Variants in FMN1 observed in about 807,000 individuals in gnomAD.
FMN1 encodes the protein formin-1.
Under a neutral mutation model 132.4 loss-of-function variants are expected in FMN1, and 110 were observed. The ratio of observed to expected loss-of-function variants is 0.83; its 90% CI spans 0.71 to 0.97. FMN1 has a LOEUF of 0.97. Ranked by LOEUF, FMN1 falls within the 50% of genes least tolerant of loss-of-function variation. The pLI, the probability that FMN1 is intolerant of heterozygous loss-of-function variation, is 0.00. For synonymous variants in FMN1, 722 were observed against 651.7 expected (o/e 1.11, Z -1.64); for missense variants, 1,792 against 1,705.3 (o/e 1.05, Z -0.90).
intron 2 of FMN1, among the ~76,000 whole-genome samples, chr15:33,192,189 G>A (rs1235687048): frequency 6.6e-6 from 1 of 152,156 alleles, no homozygotes; most frequent in Non-Finnish European, 1.5e-5. Flanking sequence ...AAACTTTAAC[G>A]TAAAACTAGA....
chr15:32,861,700 G>C (rs1007865091), intron 16 of FMN1, among the ~76,000 whole-genome samples: 17 of 152,116 alleles, frequency 1.1e-4, no homozygotes, highest in Non-Finnish European at 2.9e-5. Flanking sequence ...ACAGATGCTG[G>C]GCACTGTATT....
chr15:33,041,391 A>T (rs1377895631), intron 6 of FMN1, among the ~76,000 whole-genome samples: 13 of 25,950 alleles, frequency 5.0e-4, no homozygotes, highest in South Asian at 2.5e-3. Context: ...CTCACCAGTT[A>T]AAAAAAAAAA....
chr15:32,926,315 T>TGA, intron 9 of FMN1, 54 bp from the exon 10 acceptor site: 1 of 1,010,476 alleles, frequency 9.9e-7, no homozygotes, highest in Non-Finnish European at 1.5e-6. Context: ...CATGCAGTCT[T>TGA]TCAGGACGCA....
At chr15:33,177,841 T>G (rs184357952) in intron 3 of FMN1, among the ~76,000 whole-genome samples, 85 of 150,714 alleles carry the variant, frequency 5.6e-4, no homozygotes, top group African/African-American at 2.0e-3. Flanking sequence ...CCTGTCTCTA[T>G]TAAAAATACA....
chr15:32,810,541 G>A (rs1448217223), intron 17 of FMN1, among the ~76,000 whole-genome samples: 1 of 152,058 alleles, frequency 6.6e-6, no homozygotes, highest in Non-Finnish European at 1.5e-5. Context: ...AGTTAACTTT[G>A]AAAAAGAGAA....
intron 17 of FMN1, among the ~76,000 whole-genome samples, chr15:32,856,536 C>T (rs560118216): frequency 6.6e-6 from 1 of 152,322 alleles, no homozygotes; most frequent in Admixed American, 6.5e-5. Context: ...TGATGGGTGA[C>T]ATTCACTTGG....
At chr15:33,151,193 G>T in intron 4 of FMN1, 2 of 1,519,400 alleles carry the variant, frequency 1.3e-6, no homozygotes, top group Admixed American at 2.0e-5. Flanking sequence ...CCAATAGGAG[G>T]TAATGGCTGG....
At chr15:33,126,984 C>T (rs751127723) in intron 4 of FMN1, among the ~76,000 whole-genome samples, 2 of 152,198 alleles carry the variant, frequency 1.3e-5, no homozygotes, top group Non-Finnish European at 2.9e-5. Context: ...GAGAGGCTTG[C>T]AAGATGCTGT....
intron 6 of FMN1, among the ~76,000 whole-genome samples, chr15:33,019,485 T>G (rs565176421): frequency 3.9e-5 from 6 of 152,288 alleles, no homozygotes; most frequent in South Asian, 4.1e-4. Flanking sequence ...GCCGTGCGAC[T>G]CCTCAGCCCT....
rs1298676751 is a variant in FMN1, at chr15:32,777,445, ATATAT to A, written c.4131-531_4131-527del. On this transcript the variant is annotated intron_variant, in intron 19 of 20. Transcript: ENST00000616417. ...TTTTTTCCATTCAAAAAATATATTTATATATTATATTTATATATTACGTATATTTA... is the reference window on the plus strand; with the variant it reads ...TTTTTTCCATTCAAAAAATATATTTATATATTTATATATTACGTATATTTA... 5.2e-5 allele frequency among the ~76,000 whole-genome samples: 6 copies of A among 116,428 alleles called. 1 individual carries two copies. The highest frequency in any genetic ancestry group is 3.0e-4 in the South Asian group (1 of 3,350). The allele number at this position is 116,428 out of a possible 152,430, so 76.4% of individuals were successfully genotyped here. A position where few individuals can be genotyped will look rare whatever the true frequency, so the allele number is the denominator to read the frequency against.
At chr15:33,015,230 C>T (rs2034972150) in intron 6 of FMN1, among the ~76,000 whole-genome samples, 2 of 152,190 alleles carry the variant, frequency 1.3e-5, no homozygotes, top group Admixed American at 1.3e-4. Context: ...CTGTAAACTT[C>T]AAAGTTGCTT....
chr15:33,193,430 C>T (rs931167065), intron 2 of FMN1, among the ~76,000 whole-genome samples: 3 of 152,100 alleles, frequency 2.0e-5, no homozygotes, highest in Non-Finnish European at 2.9e-5. Flanking sequence ...TGCGCCCCTC[C>T]GCCCCCCTGC....
intron 19 of FMN1, among the ~76,000 whole-genome samples, chr15:32,793,983 T>C (rs923989419): frequency 6.6e-6 from 1 of 152,190 alleles, no homozygotes; most frequent in Non-Finnish European, 1.5e-5. Context: ...AGTGACAGCA[T>C]CTCTAAGTCC....
In FMN1 at chr15:33,153,689, A is replaced by T; in HGVS notation, c.1226T>A (p.Val409Glu). The T allele has an allele frequency of 6.5e-7, 1 of 1,536,372 alleles. No individual in the cohort carries two copies. ...CACGGCCCCCTCGGCACTGGCCGAC[A>T]CACTAGAAATGGAGGCTGTTTCCCC... is the stretch of plus-strand genomic sequence containing the variant. ...PAGETASISSVSASAEGAVNK... is the reference protein window; with the variant it reads ...PAGETASISSESASAEGAVNK... The change falls in exon 4 of 21, where the codon GTG becomes GAG. Residue 409 changes from valine to glutamate, a missense_variant. Physicochemically the swap from Val to Glu is moderately radical, Grantham distance 121 (BLOSUM62 -2). Coordinates refer to ENST00000616417, the MANE Select transcript of FMN1 (RefSeq NM_001277313.2).
At chr15:33,030,137 G>A (rs1170519383) in intron 6 of FMN1, among the ~76,000 whole-genome samples, 2 of 152,208 alleles carry the variant, frequency 1.3e-5, no homozygotes, top group African/African-American at 2.4e-5. Flanking sequence ...CAGCCTGGGC[G>A]ACAGAGCAAG....
At chr15:33,138,001 C>T (rs1294644476) in intron 4 of FMN1, among the ~76,000 whole-genome samples, 1 of 152,200 alleles carries the variant, frequency 6.6e-6, no homozygotes, top group Non-Finnish European at 1.5e-5. Context: ...ATAATAATAA[C>T]TATTGTGTAG....
intron 9 of FMN1, among the ~76,000 whole-genome samples, chr15:32,937,786 A>G (rs966668112): frequency 6.6e-6 from 1 of 152,238 alleles, no homozygotes; most frequent in Non-Finnish European, 1.5e-5. Context: ...CAAACAAACT[A>G]CAAGGAAAAG....
At chr15:33,018,609 T>G (rs1313162036) in intron 6 of FMN1, among the ~76,000 whole-genome samples, 2 of 152,210 alleles carry the variant, frequency 1.3e-5, no homozygotes, top group African/African-American at 2.4e-5. Context: ...CCTTGTCCTA[T>G]GCATCTCTTC....
intron 16 of FMN1, 39 bp from the exon 17 acceptor site, chr15:32,857,146 A>G: frequency 2.7e-6 from 4 of 1,502,258 alleles, no homozygotes; most frequent in Non-Finnish European, 3.7e-6. Context: ...AGGAACACAG[A>G]TTTGCTGAGC....
Sources: allele counts gnomAD v4.1 joint callset (sites outside exome capture counted in the v4.1 genomes callset), GRCh38; gene constraint gnomAD v4.1.1; transcripts MANE v1.5; gene names NCBI Gene and HGNC (gene_info 2026-07-23, HGNC 2026-07-21).